The following PLXDC2 variants were observed in gnomAD, a reference collection of about 807,000 sequenced individuals.
The protein encoded by PLXDC2 is plexin domain containing 2, also known as plexin domain-containing protein 2.
PLXDC2 carries 40 observed loss-of-function variants against 68.9 expected under a neutral mutation model. That is an observed-to-expected ratio of 0.58 (90% CI 0.45 to 0.76). The LOEUF is 0.76. PLXDC2 is among the 30% of genes least tolerant of loss of function. The pLI is 0.00. For missense variants in PLXDC2, 644 were observed against 661.9 expected (o/e 0.97, Z 0.30); for synonymous variants, 243 against 234.2 (o/e 1.04, Z -0.34).
chr10:20,054,582 T>A (rs1835961819), intron 3 of PLXDC2, among the ~76,000 whole-genome samples: 1 of 152,068 alleles, frequency 6.6e-6, no homozygotes, highest in African/African-American at 2.4e-5. Context: ...AAACCATCGT[T>A]CTCAGCAAAC....
intron 1 of PLXDC2, among the ~76,000 whole-genome samples, chr10:19,964,439 A>G (rs552120181): frequency 6.6e-6 from 1 of 152,286 alleles, no homozygotes; most frequent in Admixed American, 6.5e-5. Flanking sequence ...ATAATATACT[A>G]AATAGCTTTC....
chr10:20,014,308 G>C (rs5001920), intron 2 of PLXDC2, among the ~76,000 whole-genome samples: 67,190 of 109,922 alleles, frequency 0.61, 20,063 homozygotes, highest in Non-Finnish European at 0.67. Flanking sequence ...TCCTTCCCTC[G>C]CCCCACTTTC....
At chr10:19,936,482 G>A (rs1429069181) in intron 1 of PLXDC2, among the ~76,000 whole-genome samples, 2 of 152,176 alleles carry the variant, frequency 1.3e-5, no homozygotes, top group Non-Finnish European at 2.9e-5. Context: ...TTCCAATAAA[G>A]CTTTATTTAC....
intron 2 of PLXDC2, among the ~76,000 whole-genome samples, chr10:20,012,880 A>G (rs1283253958): frequency 6.6e-6 from 1 of 152,210 alleles, no homozygotes; most frequent in African/African-American, 2.4e-5. Flanking sequence ...TCTAGAAACA[A>G]AAGTACTGAA....
intron 4 of PLXDC2, among the ~76,000 whole-genome samples, chr10:20,077,069 A>G (rs1020132237): frequency 2.6e-5 from 4 of 152,056 alleles, no homozygotes; most frequent in African/African-American, 9.7e-5. Context: ...CAAGAATTGT[A>G]GGGACAAGTC....
chr10:20,180,866 C>T (rs1284017350), intron 9 of PLXDC2, among the ~76,000 whole-genome samples: 1 of 152,032 alleles, frequency 6.6e-6, no homozygotes. Flanking sequence ...TATGTTTCCT[C>T]ATTGCAGACT....
At chr10:20,071,837 T>G (rs1836320719) in intron 4 of PLXDC2, among the ~76,000 whole-genome samples, 1 of 152,124 alleles carries the variant, frequency 6.6e-6, no homozygotes. Context: ...GCATTGGCCT[T>G]AGAGGAAGGT....
At chr10:20,053,891 T>C (rs537767150) in intron 3 of PLXDC2, among the ~76,000 whole-genome samples, 1 of 152,140 alleles carries the variant, frequency 6.6e-6, no homozygotes, top group East Asian at 1.9e-4. Flanking sequence ...AGAATAAAAA[T>C]GAAATAGTTA....
At chr10:20,122,648 G>T (rs1189430195) in intron 4 of PLXDC2, among the ~76,000 whole-genome samples, 2 of 152,212 alleles carry the variant, frequency 1.3e-5, no homozygotes, top group East Asian at 3.9e-4. Context: ...GGAGGTTCTG[G>T]AGAAATGTCT....
At chr10:19,996,725 A>G (rs976717143) in intron 1 of PLXDC2, among the ~76,000 whole-genome samples, 2 of 152,188 alleles carry the variant, frequency 1.3e-5, no homozygotes, top group Admixed American at 1.3e-4. Flanking sequence ...ATACAGGAAA[A>G]GGGGGTTTAA....
At position 20,283,488 on chromosome 10, in the gene PLXDC2, G is replaced by A. The variant is rs1836108182; in HGVS notation, c.*3669G>A. Reference sequence around the variant, plus strand: ...TCATCAGTGCAAAAAGCGTTCAAAGGTAATCAGTTCATCACGTATCTTGAG... The same window carrying A: ...TCATCAGTGCAAAAAGCGTTCAAAGATAATCAGTTCATCACGTATCTTGAG... On this transcript the variant is annotated 3_prime_UTR_variant, in exon 14 of 14. Coordinates refer to ENST00000377252, the MANE Select transcript of PLXDC2 (RefSeq NM_032812.9). The A allele has an allele frequency of 6.6e-6, 1 of 152,188 alleles. No homozygotes were observed. Among genetic ancestry groups the A allele is most frequent in the Non-Finnish European group, 1.5e-5 (1 of 68,038 alleles). The allele number at this position is 152,188 out of a possible 1,614,324, so 9.4% of individuals were successfully genotyped here.
intron 7 of PLXDC2, among the ~76,000 whole-genome samples, chr10:20,169,934 A>C (rs957259709): frequency 2.0e-5 from 3 of 152,152 alleles, no homozygotes; most frequent in Non-Finnish European, 2.9e-5. Context: ...GTACTTTCTT[A>C]ACATCAGGCC....
intron 1 of PLXDC2, among the ~76,000 whole-genome samples, chr10:19,915,601 T>C (rs1342211043): frequency 6.6e-6 from 1 of 152,202 alleles, no homozygotes. Context: ...CCTTTTGTTG[T>C]AATTTTCTCT....
chr10:19,974,279 C>A (rs891503336), intron 1 of PLXDC2, among the ~76,000 whole-genome samples: 1 of 152,218 alleles, frequency 6.6e-6, no homozygotes, highest in Non-Finnish European at 1.5e-5. Context: ...CAATCTTCAA[C>A]AAAATCAACT....
At chr10:20,036,196 T>A (rs1446886378) in intron 2 of PLXDC2, among the ~76,000 whole-genome samples, 1 of 152,144 alleles carries the variant, frequency 6.6e-6, no homozygotes, top group Non-Finnish European at 1.5e-5. Flanking sequence ...TAGGCCCCAT[T>A]GTGACTGTAT....
At chr10:20,129,854 G>T (rs925388722) in intron 4 of PLXDC2, among the ~76,000 whole-genome samples, 9 of 152,010 alleles carry the variant, frequency 5.9e-5, no homozygotes, top group Non-Finnish European at 1.2e-4. Context: ...TGTCTATTCT[G>T]TTCCTTTGGT....
intron 1 of PLXDC2, among the ~76,000 whole-genome samples, chr10:19,833,068 T>C (rs1836724389): frequency 6.6e-6 from 1 of 151,826 alleles, no homozygotes; most frequent in African/African-American, 2.4e-5. Flanking sequence ...GTAGAAAAAA[T>C]AAGGAAGTTG....
intron 1 of PLXDC2, among the ~76,000 whole-genome samples, chr10:19,884,157 A>G (rs961923506): frequency 5.3e-5 from 8 of 151,400 alleles, no homozygotes; most frequent in African/African-American, 1.9e-4. Flanking sequence ...TCAGCCTCCC[A>G]AAGTGCTGGA....
chr10:20,059,213 T>A (rs978195835), intron 3 of PLXDC2, among the ~76,000 whole-genome samples: 1 of 152,192 alleles, frequency 6.6e-6, no homozygotes, highest in Non-Finnish European at 1.5e-5. Flanking sequence ...CCAAACCCCA[T>A]GTTTCCTTGA....
Sources: gnomAD v4.1 joint callset for allele counts (sites outside exome capture counted in the v4.1 genomes callset) on GRCh38, gnomAD v4.1.1 for gene constraint, MANE v1.5 for transcripts, NCBI Gene and HGNC (gene_info 2026-07-23, HGNC 2026-07-21) for gene names.